The following CACNG3 variants were observed in gnomAD, a reference collection of about 807,000 sequenced individuals.
CACNG3 encodes the protein calcium voltage-gated channel auxiliary subunit gamma 3.
A neutral mutation model predicts 28.5 loss-of-function variants in CACNG3; 3 were observed. The ratio of observed to expected loss-of-function variants is 0.11; its 90% confidence interval spans 0.05 to 0.27. The LOEUF is 0.27. Ranked by LOEUF, CACNG3 falls within the 10% of genes least tolerant of loss-of-function variation. CACNG3 has a pLI of 1.00. For synonymous variants in CACNG3, 174 were observed against 162.2 expected (o/e 1.07, Z -0.55); for missense variants, 236 against 414.4 (o/e 0.57, Z 3.74).
chr16:24,276,537 T>C (rs2141349465), intron 1 of CACNG3, among the ~76,000 whole-genome samples: 1 of 152,336 alleles, frequency 6.6e-6, no homozygotes, highest in South Asian at 2.1e-4. Context: ...ATCAGAAGAT[T>C]TCCTTCTAGT....
chr16:24,330,472 G>A (rs1036194077), intron 1 of CACNG3, among the ~76,000 whole-genome samples: 2 of 152,182 alleles, frequency 1.3e-5, no homozygotes, highest in Admixed American at 6.5e-5. Flanking sequence ...TCCATCTGAC[G>A]ACAGAGGCTG....
intron 1 of CACNG3, among the ~76,000 whole-genome samples, chr16:24,262,541 G>A (rs534231190): frequency 6.6e-5 from 10 of 152,322 alleles, no homozygotes; most frequent in African/African-American, 2.4e-4. Context: ...ACCTACCCTA[G>A]CCCTTACTGG....
At chr16:24,335,189 G>T (rs1317412307) in intron 1 of CACNG3, among the ~76,000 whole-genome samples, 1 of 152,144 alleles carries the variant, frequency 6.6e-6, no homozygotes, top group East Asian at 1.9e-4. Flanking sequence ...GGAGGCTGAG[G>T]CAGGCAGATC....
chr16:24,324,249 T>A (rs1274697763), intron 1 of CACNG3, among the ~76,000 whole-genome samples: 1 of 152,222 alleles, frequency 6.6e-6, no homozygotes, highest in Admixed American at 6.5e-5. Flanking sequence ...TCTGCCTTGC[T>A]TGTATTTCTA....
chr16:24,313,892 G>A (rs547937356), intron 1 of CACNG3, among the ~76,000 whole-genome samples: 12 of 151,932 alleles, frequency 7.9e-5, no homozygotes, highest in African/African-American at 1.4e-4. Flanking sequence ...TTACAGGTGC[G>A]CACCACCACA....
At chr16:24,265,571 T>C (rs934935406) in intron 1 of CACNG3, among the ~76,000 whole-genome samples, 1 of 152,132 alleles carries the variant, frequency 6.6e-6, no homozygotes, top group African/African-American at 2.4e-5. Flanking sequence ...TTATGATGTG[T>C]AGCTATCTCT....
chr16:24,285,845 C>CTT (rs11406086), intron 1 of CACNG3, among the ~76,000 whole-genome samples: 51,314 of 131,424 alleles, frequency 0.39, 10,492 homozygotes, highest in East Asian at 0.68. Flanking sequence ...TCTTTCTTTT[C>CTT]TTTTTTTTTT....
intron 1 of CACNG3, among the ~76,000 whole-genome samples, chr16:24,305,457 C>A (rs1259845812): frequency 1.3e-5 from 2 of 151,728 alleles, no homozygotes; most frequent in African/African-American, 4.8e-5. Flanking sequence ...CTCCTGGGCT[C>A]AAGGGATCCT....
chr16:24,298,170 T>A (rs2141358640), intron 1 of CACNG3, among the ~76,000 whole-genome samples: 1 of 152,336 alleles, frequency 6.6e-6, no homozygotes, highest in South Asian at 2.1e-4. Context: ...ATTTACATTT[T>A]CTACTGTATG....
rs538291768 is a variant in CACNG3, at chr16:24,271,261, G to C, written c.211+14296G>C. Among the ~76,000 whole-genome samples, 15 of 152,196 alleles carry C rather than the reference G, an allele frequency of 9.9e-5. No individual in the cohort carries two copies. The South Asian group carries it at 3.1e-3, about 32-fold the overall frequency. The stretch of plus-strand genomic sequence containing the variant: ...TCTAGGCTTTTAACACTTTTGCCTC[G>C]CCCTTCTCTATGACTCGGTGCAGTG... On this transcript the variant is annotated intron_variant, in intron 1 of 3. Coordinates refer to ENST00000005284, the MANE Select transcript of CACNG3 (RefSeq NM_006539.4).
At chr16:24,307,367 C>A (rs1899199324) in intron 1 of CACNG3, among the ~76,000 whole-genome samples, 1 of 152,036 alleles carries the variant, frequency 6.6e-6, no homozygotes, top group Non-Finnish European at 1.5e-5. Context: ...AGTGATCCAC[C>A]CACCTCAGCC....
intron 1 of CACNG3, among the ~76,000 whole-genome samples, chr16:24,320,392 T>A (rs757233130): frequency 6.6e-6 from 1 of 152,200 alleles, no homozygotes; most frequent in Non-Finnish European, 1.5e-5. Context: ...CTTTCCCAAG[T>A]CAGCTCAGGT....
intron 1 of CACNG3, among the ~76,000 whole-genome samples, chr16:24,267,383 G>A (rs1406025178): frequency 1.3e-5 from 2 of 152,010 alleles, no homozygotes; most frequent in East Asian, 1.9e-4. Context: ...GACCTCCTGG[G>A]CTCAAGGGAT....
intron 1 of CACNG3, among the ~76,000 whole-genome samples, chr16:24,311,005 C>T (rs1378672652): frequency 6.6e-6 from 1 of 152,180 alleles, no homozygotes; most frequent in African/African-American, 2.4e-5. Context: ...AATGTCCCTG[C>T]ACCCGTTTCC....
chr16:24,260,818 C>A (rs891283475), intron 1 of CACNG3, among the ~76,000 whole-genome samples: 49 of 152,160 alleles, frequency 3.2e-4, no homozygotes, highest in African/African-American at 1.2e-3. Flanking sequence ...AACAAGAACG[C>A]CCAACTCATT....
At chr16:24,313,934 A>T (rs1899312060) in intron 1 of CACNG3, among the ~76,000 whole-genome samples, 1 of 152,024 alleles carries the variant, frequency 6.6e-6, no homozygotes, top group African/African-American at 2.4e-5. Context: ...TAGTAGAGAC[A>T]GGATATCGCC....
intron 1 of CACNG3, among the ~76,000 whole-genome samples, chr16:24,258,018 G>A (rs1030080122): frequency 6.6e-6 from 1 of 152,254 alleles, no homozygotes; most frequent in Admixed American, 6.5e-5. Context: ...GGCAGTAGGG[G>A]TTTTCTTAGG....
intron 1 of CACNG3, among the ~76,000 whole-genome samples, chr16:24,303,813 G>C (rs1349439258): frequency 6.6e-6 from 1 of 152,152 alleles, no homozygotes; most frequent in Non-Finnish European, 1.5e-5. Flanking sequence ...AGCTACTCAG[G>C]AGGCTGAGGT....
Position 24,309,424 on chromosome 16 carries a change from G to C in CACNG3, c.212-37310G>C, listed in dbSNP as rs545280252. The stretch of plus-strand genomic sequence containing the variant: ...CTTCACTCTTTACAAAAAGCTATGA[G>C]CCACACAATGTTTCCAGCATGAGAG... On this transcript the variant is annotated intron_variant, in intron 1 of 3. Coordinates refer to ENST00000005284, the MANE Select transcript of CACNG3 (RefSeq NM_006539.4). 8.1e-4 allele frequency among the ~76,000 whole-genome samples: 123 copies of C among 152,262 alleles called. 1 individual carries two copies. The highest frequency in any genetic ancestry group is 2.8e-3 in the African/African-American group (116 of 41,556).
Sources: gnomAD v4.1 joint callset for allele counts (sites outside exome capture counted in the v4.1 genomes callset) on GRCh38, gnomAD v4.1.1 for gene constraint, MANE v1.5 for transcripts, NCBI Gene and HGNC (gene_info 2026-07-23, HGNC 2026-07-21) for gene names.